Variants in ACTR8 observed in about 807,000 individuals in gnomAD.
ACTR8 encodes actin-related protein 8.
ACTR8 carries 70 observed loss-of-function variants against 84.3 expected under a neutral mutation model. The observed-to-expected ratio is 0.83, with a 90% confidence interval of 0.68 to 1.01. ACTR8 has a LOEUF of 1.01. Among genes scored for constraint, ACTR8 ranks in the 50% least tolerant of loss-of-function variants. The pLI is 0.00. For missense variants in ACTR8, 672 were observed against 775.4 expected (o/e 0.87, Z 1.58); for synonymous variants, 268 against 275.2 (o/e 0.97, Z 0.26).
chr3:53,880,553 G>A (rs1700042425), intron 1 of ACTR8, among the ~76,000 whole-genome samples: 1 of 152,164 alleles, frequency 6.6e-6, no homozygotes, highest in Admixed American at 6.5e-5. Context: ...TCAGAGCTGG[G>A]CCACAGGAAG....
At chr3:53,859,006 G>C in the ACTR8 span, 1 of 503,844 alleles carries the variant, frequency 2.0e-6, no homozygotes, top group Non-Finnish European at 3.5e-6. Flanking sequence ...AGTAAGAACA[G>C]GCTTTATTTG....
rs569746327 is a variant in ACTR8 at position 53,874,034 on chromosome 3, C to G, written c.1065+177G>C. Among the ~76,000 whole-genome samples, 9 of 152,224 alleles carry G rather than the reference C, an allele frequency of 5.9e-5. No individual in the cohort carries two copies. The South Asian group carries it at 1.9e-3, about 32-fold the overall frequency. ...AGAGACGGAGTTTCACCGTGTTAGC[C>G]AGGATGGTCTTGATCTCCTGACCTC... On this transcript the variant is annotated intron_variant, in intron 8 of 12. Transcript: ENST00000335754.
Position 53,882,114 on chromosome 3 carries a change from C to G in ACTR8, c.-13G>C. 6.4e-7 allele frequency: 1 copy of G among 1,551,280 alleles called. No homozygotes were observed. The highest frequency in any genetic ancestry group is 8.7e-7 in the Non-Finnish European group (1 of 1,146,712). ...CAGCCTGGGTCATTATGGCCGGAGA[C>G]ACCCACCAACCTCTCGCCTCAGCGC... On this transcript the variant is annotated 5_prime_UTR_variant, in exon 1 of 13. Transcript: ENST00000335754.
chr3:53,867,080 T>G lies in ACTR8; in HGVS notation c.*1639A>C, dbSNP rs1322382669. On this transcript the variant is annotated 3_prime_UTR_variant, in exon 13 of 13. Coordinates refer to ENST00000335754, the MANE Select transcript of ACTR8 (RefSeq NM_022899.5). ...GAGGCAATATGTTTAATGTAGCAAA[T>G]TTTACTTATTTGTCATGATCAGTTT... 2 of 152,214 alleles carry G rather than the reference T, an allele frequency of 1.3e-5. No homozygotes were observed. The highest frequency in any genetic ancestry group is 1.3e-4 in the Admixed American group (2 of 15,274). 9.4% of individuals were successfully genotyped at this position (152,214 alleles called of 1,614,324 possible).
the ACTR8 span, chr3:53,859,025 C>T: frequency 8.2e-6 from 4 of 487,304 alleles, no homozygotes; most frequent in Non-Finnish European, 1.5e-5. Context: ...TGTAAAACCA[C>T]TCGTGACTCT....
intron 8 of ACTR8, among the ~76,000 whole-genome samples, chr3:53,873,527 C>A (rs1008452640): frequency 6.6e-6 from 1 of 152,178 alleles, no homozygotes; most frequent in African/African-American, 2.4e-5. Flanking sequence ...AATGATTAAA[C>A]ATTGATTGTT....
Position 53,874,457 on chromosome 3 carries a change from G to A in ACTR8, c.912-93C>T. Reference sequence around the variant, plus strand: ...AATCCATTAATGGCTGGGCATGGTGGTTCCTGCCTGTAATCCCAGCACTTT... The same window carrying A: ...AATCCATTAATGGCTGGGCATGGTGATTCCTGCCTGTAATCCCAGCACTTT... On this transcript the variant is annotated intron_variant, in intron 7 of 12. Transcript: ENST00000335754. The A allele has an allele frequency of 2.3e-6, 3 of 1,327,850 alleles. No homozygotes were observed. The South Asian group carries it at 4.4e-5, about 19-fold the overall frequency. 82.3% of individuals were successfully genotyped at this position (1,327,850 alleles called of 1,614,324 possible). A position where few individuals can be genotyped will look rare whatever the true frequency, so the allele number is the denominator to read the frequency against.
intron 12 of ACTR8, 41 bp from the exon 13 acceptor site, chr3:53,868,903 A>G (rs771527558): frequency 1.3e-5 from 21 of 1,587,076 alleles, no homozygotes; most frequent in Non-Finnish European, 1.8e-5. Flanking sequence ...ATCACATAAG[A>G]CATATACTCA....
rs772280399 is a variant in ACTR8 at position 53,868,757 on chromosome 3, C to T, written c.1837G>A (p.Val613Ile). ...GCAGCCCGCTCTCGTAACATGCGGA[C>T]ACCAAAGCGCTGCCACTCTCGCTGA... is the stretch of plus-strand genomic sequence containing the variant. ...IYQREWQRFG[V>I]RMLRERAAFV... Residue 613 changes from valine to isoleucine, a missense_variant, in exon 13 of 13, where the codon GTC (valine) becomes ATC (isoleucine). By Grantham distance (29) the Val-to-Ile change is conservative. Transcript: ENST00000335754. The T allele has an allele frequency of 1.9e-6, 3 of 1,614,240 alleles. No individual in the cohort carries two copies. The highest frequency in any genetic ancestry group is 2.2e-5 in the East Asian group (1 of 44,878).
rs529443661 is a variant in ACTR8, at chr3:53,870,449, G to T, written c.1568-304C>A. Reference sequence around the variant, plus strand: ...AGGCAGATCACGAGGTCAGGAGTTCGAAACCAGCCTGGCCAACATAGTGAA... The same window carrying T: ...AGGCAGATCACGAGGTCAGGAGTTCTAAACCAGCCTGGCCAACATAGTGAA... On this transcript the variant is annotated intron_variant, in intron 11 of 12. Coordinates refer to ENST00000335754, the MANE Select transcript of ACTR8 (RefSeq NM_022899.5). The surrounding 1 kb of genome is among the most constrained non-coding windows in gnomAD (Gnocchi z 4.1). Among the ~76,000 whole-genome samples the T allele has an allele frequency of 6.6e-6, 1 of 152,134 alleles. No homozygotes were observed. Among genetic ancestry groups the T allele is most frequent in the Non-Finnish European group, 1.5e-5 (1 of 68,024 alleles).
chr3:53,882,122 A>C lies in ACTR8; in HGVS notation c.-21T>G. The C allele has an allele frequency of 6.4e-7, 1 of 1,551,000 alleles. No individual in the cohort carries two copies. The highest frequency in any genetic ancestry group is 8.7e-7 in the Non-Finnish European group (1 of 1,146,598). ...GTCATTATGGCCGGAGACACCCACC[A>C]ACCTCTCGCCTCAGCGCTGCAGCCA... On this transcript the variant is annotated 5_prime_UTR_variant, in exon 1 of 13. Coordinates refer to ENST00000335754, the MANE Select transcript of ACTR8 (RefSeq NM_022899.5).
downstream of ACTR8, among the ~76,000 whole-genome samples, chr3:53,866,395 A>C (rs191166156): frequency 6.6e-6 from 1 of 152,296 alleles, no homozygotes; most frequent in East Asian, 1.9e-4. Context: ...AAACAAACGA[A>C]AAAACCCCCA....
chr3:53,859,810 ACTCT>A, the ACTR8 span: 1 of 191,288 alleles, frequency 5.2e-6, no homozygotes, highest in East Asian at 1.2e-4. Flanking sequence ...TGATTGGCAG[ACTCT>A]CTAAAGAGCT....
intron 8 of ACTR8, 101 bp from the exon 9 acceptor site, chr3:53,873,228 A>T: frequency 1.2e-6 from 1 of 830,978 alleles, no homozygotes; most frequent in Non-Finnish European, 1.9e-6. Context: ...CACCTATAAA[A>T]AGGCCAACCT....
chr3:53,873,866 C>T (rs747361224), intron 8 of ACTR8, among the ~76,000 whole-genome samples: 1 of 152,072 alleles, frequency 6.6e-6, no homozygotes, highest in African/African-American at 2.4e-5. Flanking sequence ...GCTTTGTCGC[C>T]GAGGCTGGAG....
At chr3:53,876,782 T>C (rs1699980408) in intron 5 of ACTR8, 69 bp from the exon 6 acceptor site, 1 of 757,692 alleles carries the variant, frequency 1.3e-6, no homozygotes, top group African/African-American at 1.8e-5. Flanking sequence ...CACTCCTTTT[T>C]AGAGAGACTT....
the ACTR8 span, chr3:53,859,083 G>T: frequency 2.9e-6 from 1 of 340,960 alleles, no homozygotes; most frequent in Non-Finnish European, 5.3e-6. Flanking sequence ...AGTGCAAAAT[G>T]GATGTTCTGA....
chr3:53,864,083 A>G (rs1013325723), downstream of ACTR8, among the ~76,000 whole-genome samples: 16 of 152,090 alleles, frequency 1.1e-4, no homozygotes, highest in Non-Finnish European at 1.8e-4. Flanking sequence ...TTGGCCTCCC[A>G]AAGTGCTGGG....
At chr3:53,877,438 G>A (rs769224277) in intron 4 of ACTR8, 51 bp from the exon 5 acceptor site, 12 of 1,520,472 alleles carry the variant, frequency 7.9e-6, no homozygotes, top group Non-Finnish European at 2.7e-6. Flanking sequence ...TTCTCTCAAG[G>A]TTTTCTGGAT....
Sources: allele counts gnomAD v4.1 joint callset (sites outside exome capture counted in the v4.1 genomes callset), GRCh38; gene constraint gnomAD v4.1.1; non-coding constraint Gnocchi (gnomAD v3.1); transcripts MANE v1.5; gene names NCBI Gene and HGNC (gene_info 2026-07-23, HGNC 2026-07-21).